VPS33B: variants seen among roughly 807,000 people sequenced by gnomAD.
The protein encoded by VPS33B is VPS33B late endosome and lysosome associated, also known as vacuolar protein sorting-associated protein 33B.
Under a neutral mutation model 95.3 loss-of-function variants are expected in VPS33B, and 80 were observed. The ratio of observed to expected loss-of-function variants is 0.84; its 90% CI spans 0.70 to 1.01. The LOEUF is 1.01. VPS33B is among the 50% of genes least tolerant of loss of function. VPS33B has a pLI of 0.00. For synonymous variants in VPS33B, 280 were observed against 280.4 expected (o/e 1.00, Z 0.01); for missense variants, 715 against 773.4 (o/e 0.92, Z 0.90).
Position 91,010,247 on chromosome 15 carries a change from C to T in VPS33B, c.358-401G>A, listed in dbSNP as rs1474446921. ...GTGAGTTCTGTTTAGGACATGCCCA[C>T]GGGACCTTGGGAGACACAGACAAGG... On this transcript the variant is annotated intron_variant, in intron 5 of 22. Coordinates refer to ENST00000333371, the MANE Select transcript of VPS33B (RefSeq NM_018668.5). This position sits in a 1 kb window ranked among gnomAD's most constrained non-coding sequence, Gnocchi z 5.7. Among the ~76,000 whole-genome samples, 1 of 152,158 alleles carries T rather than the reference C, an allele frequency of 6.6e-6. No homozygotes were observed. The highest frequency in any genetic ancestry group is 1.5e-5 in the Non-Finnish European group (1 of 68,044).
Position 91,000,923 on chromosome 15 carries a change from C to T in VPS33B, c.1480-332G>A, listed in dbSNP as rs2040417815. The T allele has an allele frequency of 3.6e-5, 14 of 389,372 alleles. No individual in the cohort carries two copies. The highest frequency in any genetic ancestry group is 2.7e-4 in the South Asian group (12 of 43,928). 24.1% of individuals were successfully genotyped at this position (389,372 alleles called of 1,614,324 possible). A position where few individuals can be genotyped will look rare whatever the true frequency, so the allele number is the denominator to read the frequency against. ...CTCTGGCATTGGCAGGTGCTTGTTACATGTTGATTAAATGAATGAATCTAC... is the reference window on the plus strand; with the variant it reads ...CTCTGGCATTGGCAGGTGCTTGTTATATGTTGATTAAATGAATGAATCTAC... On this transcript the variant is annotated intron_variant, in intron 19 of 22. Transcript: ENST00000333371. This position sits in a 1 kb window ranked among gnomAD's most constrained non-coding sequence, Gnocchi z 4.9.
rs1194096963 is a variant in VPS33B, at chr15:90,999,917, CTG to C, written c.1638_1639del (p.Cys546TrpfsTer2). On this transcript the variant is annotated frameshift_variant, in exon 21 of 23. Transcript: ENST00000333371. LOFTEE classifies it high-confidence loss of function. The surrounding 1 kb of genome is among the most constrained non-coding windows in gnomAD (Gnocchi z 5.1). ...CCACATACCTGTGAATGCAAAGTCA[CTG>C]CAGTTGAGCAGCCGTACCACCTCAT... is the stretch of plus-strand genomic sequence containing the variant. 6.2e-7 allele frequency: 1 copy of C among 1,614,094 alleles called. No individual in the cohort carries two copies. The highest frequency in any genetic ancestry group is 8.5e-7 in the Non-Finnish European group (1 of 1,180,050).
At position 91,003,132 on chromosome 15, in the gene VPS33B, CTAAGAGTGAAGAAAATAAGA is replaced by C; in HGVS notation, c.1226-21_1226-2del. 6.2e-7 allele frequency: 1 copy of C among 1,614,132 alleles called. No homozygotes were observed. The highest frequency in any genetic ancestry group is 8.5e-7 in the Non-Finnish European group (1 of 1,180,032). On this transcript the variant is annotated splice_acceptor_variant and splice_polypyrimidine_tract_variant and intron_variant, in intron 16 of 22. Coordinates refer to ENST00000333371, the MANE Select transcript of VPS33B (RefSeq NM_018668.5). LOFTEE classifies it high-confidence loss of function. ...GATCGGTAATCCTTGGGGATCAAACCTAAGAGTGAAGAAAATAAGACAGGTGCATGAGAAAGAGGCCGGCA... is the reference window on the plus strand; with the variant it reads ...GATCGGTAATCCTTGGGGATCAAACCCAGGTGCATGAGAAAGAGGCCGGCA...
chr15:91,003,847 G>A (rs1475424815), intron 16 of VPS33B, among the ~76,000 whole-genome samples: 1 of 152,198 alleles, frequency 6.6e-6, no homozygotes, highest in Non-Finnish European at 1.5e-5. Flanking sequence ...GGTCTTATAT[G>A]TTTTTCTCCA....
Position 90,998,893 on chromosome 15 carries a change from G to C in VPS33B, c.*82C>G, listed in dbSNP as rs992122264. 3 of 1,488,540 alleles carry C rather than the reference G, an allele frequency of 2.0e-6. No individual in the cohort carries two copies. Among genetic ancestry groups the C allele is most frequent in the African/African-American group, 2.8e-5 (2 of 72,584 alleles). The allele number at this position is 1,488,540 out of a possible 1,614,324, so 92.2% of individuals were successfully genotyped here. A position where few individuals can be genotyped will look rare whatever the true frequency, so the allele number is the denominator to read the frequency against. ...TTAGCAGGTAGTTGGTGGACACTTG[G>C]TTATAGCAGCTGGGTGCCAGATGCC... is the stretch of plus-strand genomic sequence containing the variant. On this transcript the variant is annotated 3_prime_UTR_variant, in exon 23 of 23. Coordinates refer to ENST00000333371, the MANE Select transcript of VPS33B (RefSeq NM_018668.5). This position sits in a 1 kb window ranked among gnomAD's most constrained non-coding sequence, Gnocchi z 4.8.
intron 1 of VPS33B, among the ~76,000 whole-genome samples, chr15:91,021,514 C>T (rs1022704103): frequency 6.6e-6 from 1 of 152,134 alleles, no homozygotes; most frequent in African/African-American, 2.4e-5. Flanking sequence ...TGCCCATTTA[C>T]GCCACCACAC....
In VPS33B at chr15:91,009,744, C is replaced by CA. The variant is rs2040728250; in HGVS notation, c.403+56dup. ...GGGTGGGGGGGTTGGAGAACAACAACAGTTTTTTCTTCTGTATGTTCTCTT... is the reference window on the plus strand; with the variant it reads ...GGGTGGGGGGGTTGGAGAACAACAACAAGTTTTTTCTTCTGTATGTTCTCTT... On this transcript the variant is annotated intron_variant, in intron 6 of 22. Transcript: ENST00000333371. This position sits in a 1 kb window ranked among gnomAD's most constrained non-coding sequence, Gnocchi z 4.1. The CA allele has an allele frequency of 6.2e-7, 1 of 1,600,016 alleles. No individual in the cohort carries two copies. Among genetic ancestry groups the CA allele is most frequent in the Non-Finnish European group, 8.6e-7 (1 of 1,167,876 alleles).
rs1596350595 is a variant in VPS33B at position 91,001,461 on chromosome 15, T to C, written c.1407A>G (p.Gly469=). Reference sequence around the variant, plus strand: ...GAGAACTGAAGGCATCAGTAATCTTTCCTGGGGAAGAAATCTGTGTCAGGT... The same window carrying C: ...GAGAACTGAAGGCATCAGTAATCTTCCCTGGGGAAGAAATCTGTGTCAGGT... ...VSKLVTDKAA[G]KITDAFSSLA... Residue 469 remains glycine, a splice_region_variant and synonymous_variant, in exon 19 of 23, where the codon GGA becomes GGG. Transcript: ENST00000333371. 1.2e-6 allele frequency: 2 copies of C among 1,614,038 alleles called. No individual in the cohort carries two copies. Among genetic ancestry groups the C allele is most frequent in the Non-Finnish European group, 1.7e-6 (2 of 1,179,884 alleles).
chr15:91,021,832 T>C (rs1284386481), intron 1 of VPS33B, among the ~76,000 whole-genome samples: 1 of 152,242 alleles, frequency 6.6e-6, no homozygotes, highest in East Asian at 1.9e-4. Context: ...GTGTGATAAT[T>C]TGTGCTTCAT....
At chr15:91,016,791 A>C (rs2040940902) in intron 3 of VPS33B, among the ~76,000 whole-genome samples, 172 bp downstream of exon 3, 1 of 152,224 alleles carries the variant, frequency 6.6e-6, no homozygotes. Flanking sequence ...AAGAAACCAC[A>C]GAAAGGAAAC....
chr15:91,001,531 C>A (rs2040438010), intron 18 of VPS33B, 69 bp from the exon 19 acceptor site: 1 of 1,268,956 alleles, frequency 7.9e-7, no homozygotes, highest in Non-Finnish European at 1.2e-6. Context: ...CAGATAACAC[C>A]ATTCAGGACA....
Position 91,006,413 on chromosome 15 carries a change from A to G in VPS33B, c.811T>C (p.Ser271Pro), listed in dbSNP as rs2040605521. ...SVDFGPEVTS[S>P]DKSLKVLLNA... Reference sequence around the variant, plus strand: ...AGTAGCACCTTCAGGCTCTTGTCAGAGGATGTGACTTCTGGGCCAAAGTCG... The same window carrying G: ...AGTAGCACCTTCAGGCTCTTGTCAGGGGATGTGACTTCTGGGCCAAAGTCG... Residue 271 changes from serine (S) to proline (P), a missense_variant, in exon 11 of 23, where the codon TCT becomes CCT. By Grantham distance (74) the Ser-to-Pro change is moderately conservative. Coordinates refer to ENST00000333371, the MANE Select transcript of VPS33B (RefSeq NM_018668.5). This position sits in a 1 kb window ranked among gnomAD's most constrained non-coding sequence, Gnocchi z 5.4. 4.3e-6 allele frequency: 7 copies of G among 1,614,202 alleles called. No homozygotes were observed. Among genetic ancestry groups the G allele is most frequent in the Non-Finnish European group, 5.9e-6 (7 of 1,180,036 alleles).
chr15:91,016,976 T>G lies in VPS33B; in HGVS notation c.226A>C (p.Ser76Arg). The change falls in exon 3 of 23, where the codon AGC becomes CGC. Residue 76 changes from serine (S) to arginine (R), a missense_variant. Ser to Arg is a moderately radical substitution (Grantham distance 110, BLOSUM62 -1). Transcript: ENST00000333371. ...CCAGACACTCACTGTTCATTGGAGCTGAGGGCTGGCTTGTTCTCCACCTTG... is the reference window on the plus strand; with the variant it reads ...CCAGACACTCACTGTTCATTGGAGCGGAGGGCTGGCTTGTTCTCCACCTTG... ...LYKVENKPAL[S>R]SNEQLCFLVR... is the part of the protein sequence containing the mutation. 1 of 1,614,056 alleles carries G rather than the reference T, an allele frequency of 6.2e-7. No homozygotes were observed. Among genetic ancestry groups the G allele is most frequent in the Non-Finnish European group, 8.5e-7 (1 of 1,179,980 alleles).
Position 91,006,952 on chromosome 15 carries a change from CT to C in VPS33B, c.697del (p.Arg233GlufsTer6). 6.2e-7 allele frequency: 1 copy of C among 1,614,178 alleles called. No individual in the cohort carries two copies. The highest frequency in any genetic ancestry group is 8.5e-7 in the Non-Finnish European group (1 of 1,180,050). ...CAGGAACGCTGGGCATAATTTACCT[CT>C]GTCCAAGAGAAAGATATGTCCAATC... The part of the protein sequence containing the change: ...PEIGHIFLLD[R>X]DVDFVTALCS... On this transcript the variant is annotated frameshift_variant, in exon 9 of 23. Transcript: ENST00000333371. LOFTEE classifies it high-confidence loss of function. The surrounding 1 kb of genome is among the most constrained non-coding windows in gnomAD (Gnocchi z 5.4).
Position 90,999,192 on chromosome 15 carries a change from T to G in VPS33B, c.1775-138A>C. The G allele has an allele frequency of 2.5e-6, 2 of 800,512 alleles. No individual in the cohort carries two copies. The highest frequency in any genetic ancestry group is 2.1e-6 in the Non-Finnish European group (1 of 469,658). 49.6% of individuals were successfully genotyped at this position (800,512 alleles called of 1,614,324 possible). On this transcript the variant is annotated intron_variant, in intron 22 of 22. Transcript: ENST00000333371. This position sits in a 1 kb window ranked among gnomAD's most constrained non-coding sequence, Gnocchi z 5.1. ...AGACAGAGACGTGAGTGCCATGCTCTTGGGCACCACTGCTTTCTATGACTG... is the reference window on the plus strand; with the variant it reads ...AGACAGAGACGTGAGTGCCATGCTCGTGGGCACCACTGCTTTCTATGACTG...
In VPS33B at chr15:91,007,713, C is replaced by A; in HGVS notation, c.499-140G>T. ...GGTTTTCATTGGCTCCACAGGAAGT[C>A]CCACAGAGACCAATCTGTAGCACTC... is the stretch of plus-strand genomic sequence containing the variant. On this transcript the variant is annotated intron_variant, in intron 7 of 22. Transcript: ENST00000333371. The surrounding 1 kb of genome is among the most constrained non-coding windows in gnomAD (Gnocchi z 5.3). 8.6e-7 allele frequency: 1 copy of A among 1,160,682 alleles called. No individual in the cohort carries two copies. The highest frequency in any genetic ancestry group is 1.3e-6 in the Non-Finnish European group (1 of 773,250). 71.9% of individuals were successfully genotyped at this position (1,160,682 alleles called of 1,614,324 possible). A position where few individuals can be genotyped will look rare whatever the true frequency, so the allele number is the denominator to read the frequency against.
chr15:91,003,198 G>T, intron 16 of VPS33B, 67 bp from the exon 17 acceptor site: 1 of 1,510,348 alleles, frequency 6.6e-7, no homozygotes, highest in Non-Finnish European at 9.2e-7. Context: ...AAAATGTACA[G>T]ATCAACCAGC....
Position 91,006,866 on chromosome 15 carries a change from AG to A in VPS33B, c.700+83del. The A allele has an allele frequency of 6.2e-7, 1 of 1,600,912 alleles. No homozygotes were observed. Among genetic ancestry groups the A allele is most frequent in the Non-Finnish European group, 8.6e-7 (1 of 1,168,364 alleles). On this transcript the variant is annotated intron_variant, in intron 9 of 22. Transcript: ENST00000333371. This position sits in a 1 kb window ranked among gnomAD's most constrained non-coding sequence, Gnocchi z 5.4. ...AGCTGGGATTCACAGCCCTAACTTT[AG>A]GATTTTAACTTTGCCACCACGCCTT... is the stretch of plus-strand genomic sequence containing the variant.
chr15:91,022,114 T>G (rs1478365025), intron 1 of VPS33B, 40 bp downstream of exon 1: 1 of 1,547,196 alleles, frequency 6.5e-7, no homozygotes, highest in Admixed American at 2.0e-5. Flanking sequence ...CAATGAGTGC[T>G]AAACTGTAGA....
Sources: allele counts gnomAD v4.1 joint callset (sites outside exome capture counted in the v4.1 genomes callset), GRCh38; gene constraint gnomAD v4.1.1; non-coding constraint Gnocchi (gnomAD v3.1); transcripts MANE v1.5; gene names NCBI Gene and HGNC (gene_info 2026-07-23, HGNC 2026-07-21).